LEPR: variants seen among roughly 807,000 people sequenced by gnomAD.
The protein encoded by LEPR is OB receptor.
LEPR carries 56 observed loss-of-function variants against 114.7 expected under a neutral mutation model. That is an observed-to-expected ratio of 0.49 (90% CI 0.39 to 0.61). The LOEUF (loss-of-function observed/expected upper bound fraction) is 0.61, where lower values mean the gene tolerates loss of function less well. Ranked by LOEUF, LEPR falls within the 20% of genes least tolerant of loss-of-function variation. LEPR has a pLI of 0.00. For synonymous variants in LEPR, 443 were observed against 461.4 expected (o/e 0.96, Z 0.51); for missense variants, 1,202 against 1,352.9 (o/e 0.89, Z 1.75).
At chr1:65,438,498 CA>C (rs2100267730) in intron 2 of LEPR, among the ~76,000 whole-genome samples, 1 of 141,022 alleles carries the variant, frequency 7.1e-6, no homozygotes, top group Non-Finnish European at 1.5e-5. Flanking sequence ...TGCAGTGAGC[CA>C]AGATTGCACC....
chr1:65,565,702 C>T, intron 3 of LEPR, 97 bp downstream of exon 3: 1 of 1,425,330 alleles, frequency 7.0e-7, no homozygotes, highest in Non-Finnish European at 9.8e-7. Context: ...ACAGAATTTC[C>T]TATTTCTAGT....
chr1:65,570,852 T>C (rs200514182), intron 4 of LEPR, 50 bp downstream of exon 4: 12 of 1,428,058 alleles, frequency 8.4e-6, no homozygotes, highest in Non-Finnish European at 1.1e-5. Flanking sequence ...TTTTAATTCT[T>C]TGATACCTGT....
chr1:65,435,152 G>A, intron 2 of LEPR: 1 of 985,316 alleles, frequency 1.0e-6, no homozygotes, highest in Non-Finnish European at 1.2e-6. Flanking sequence ...TTCCTCAGGA[G>A]GAGTTCTGAG....
At chr1:65,618,219 A>G in intron 16 of LEPR, 73 bp downstream of exon 16, 2 of 1,413,024 alleles carry the variant, frequency 1.4e-6, no homozygotes, top group Non-Finnish European at 1.9e-6. Flanking sequence ...TTCTATTAAT[A>G]TAGCCAGTTA....
intron 2 of LEPR, among the ~76,000 whole-genome samples, chr1:65,508,239 A>C (rs1162972947): frequency 6.6e-6 from 1 of 152,106 alleles, no homozygotes; most frequent in Admixed American, 6.5e-5. Flanking sequence ...TGGTTTTGGC[A>C]TTATAGCCAA....
At chr1:65,501,619 T>C (rs1181828812) in intron 2 of LEPR, among the ~76,000 whole-genome samples, 1 of 152,006 alleles carries the variant, frequency 6.6e-6, no homozygotes, top group Non-Finnish European at 1.5e-5. Context: ...AACACATCTT[T>C]TGGGGGGATA....
chr1:65,633,153 G>A lies in LEPR; in HGVS notation c.2674-3038G>A. ...TTTTGTTTTATTTTATCTAAACAGAGAACGGACATTCTTTGAAGTCTAATC... is the reference window on the plus strand; with the variant it reads ...TTTTGTTTTATTTTATCTAAACAGAAAACGGACATTCTTTGAAGTCTAATC... On this transcript the variant is annotated intron_variant, in intron 19 of 19. Coordinates refer to ENST00000349533, the MANE Select transcript of LEPR (RefSeq NM_002303.6). This position sits in a 1 kb window ranked among gnomAD's most constrained non-coding sequence, Gnocchi z 4.1. 1 of 1,588,016 alleles carries A rather than the reference G, an allele frequency of 6.3e-7. No individual in the cohort carries two copies.
At chr1:65,629,403 C>A in intron 19 of LEPR, 1 of 437,090 alleles carries the variant, frequency 2.3e-6, no homozygotes, top group Non-Finnish European at 4.5e-6. Context: ...AACTAATAAA[C>A]TGAATTTGCA....
At chr1:65,599,073 CAGAA>C (rs1433044110) in intron 8 of LEPR, among the ~76,000 whole-genome samples, 2 of 152,034 alleles carry the variant, frequency 1.3e-5, no homozygotes, top group Non-Finnish European at 2.9e-5. Flanking sequence ...TTAACAAACT[CAGAA>C]AGCCATTTGT....
chr1:65,436,115 G>A, intron 2 of LEPR: 2 of 971,858 alleles, frequency 2.1e-6, no homozygotes, highest in Middle Eastern at 5.3e-4. Context: ...GTTTTTGTCT[G>A]TATAATCTTA....
At chr1:65,620,253 T>C (rs1043205166) in intron 17 of LEPR, among the ~76,000 whole-genome samples, 3 of 152,216 alleles carry the variant, frequency 2.0e-5, no homozygotes, top group Non-Finnish European at 1.5e-5. Flanking sequence ...TTCATCTTAC[T>C]GTACTTGGAA....
At position 65,572,457 on chromosome 1, in the gene LEPR, C is replaced by T. The variant is rs1347409339; in HGVS notation, c.494+8C>T. 6.3e-7 allele frequency: 1 copy of T among 1,587,272 alleles called. No homozygotes were observed. Among genetic ancestry groups the T allele is most frequent in the Non-Finnish European group, 8.6e-7 (1 of 1,160,750 alleles). On this transcript the variant is annotated splice_region_variant and intron_variant, in intron 5 of 19. Transcript: ENST00000349533. ...CCATCTTTTATATGTTCTGTAAGTACCAAATAATTAATTTGGCATTTCTAA... is the reference window on the plus strand; with the variant it reads ...CCATCTTTTATATGTTCTGTAAGTATCAAATAATTAATTTGGCATTTCTAA...
chr1:65,496,158 T>C (rs1648143753), intron 2 of LEPR, among the ~76,000 whole-genome samples: 1 of 152,214 alleles, frequency 6.6e-6, no homozygotes. Flanking sequence ...ATATCAGATG[T>C]ATCTCATAAA....
chr1:65,506,259 T>C (rs1263054783), intron 2 of LEPR, among the ~76,000 whole-genome samples: 1 of 152,130 alleles, frequency 6.6e-6, no homozygotes, highest in East Asian at 1.9e-4. Flanking sequence ...GCATAACATA[T>C]TGTCCCACTC....
At chr1:65,469,728 C>G (rs777405578) in intron 2 of LEPR, among the ~76,000 whole-genome samples, 2 of 152,190 alleles carry the variant, frequency 1.3e-5, no homozygotes, top group Non-Finnish European at 2.9e-5. Flanking sequence ...TTTGATTATA[C>G]ATACACTTTC....
At chr1:65,564,110 AC>A (rs2100775231) in intron 2 of LEPR, among the ~76,000 whole-genome samples, 1 of 145,390 alleles carries the variant, frequency 6.9e-6, no homozygotes, top group Non-Finnish European at 1.5e-5. Context: ...TGCTTTGTTT[AC>A]CTGATCAAGC....
At position 65,488,202 on chromosome 1, in the gene LEPR, TTCTTTCTTTCTCTCTCTCTCTCTC is replaced by T. The variant is rs1199239407; in HGVS notation, c.-21+62836_-21+62859del. ...TTTCTTTCTTTCTTTCTTTCTTTCT[TTCTTTCTTTCTCTCTCTCTCTCTC>T]TCTTTCTTTCTTTCTTTCTTTCTTT... is the stretch of plus-strand genomic sequence containing the variant. On this transcript the variant is annotated intron_variant, in intron 2 of 19. Transcript: ENST00000349533. Among the ~76,000 whole-genome samples the T allele has an allele frequency of 1.7e-4, 5 of 29,418 alleles. 1 individual carries two copies. Among genetic ancestry groups the T allele is most frequent in the African/African-American group, 4.4e-4 (3 of 6,762 alleles). The allele number at this position is 29,418 out of a possible 152,430, so 19.3% of individuals were successfully genotyped here.
chr1:65,466,017 C>T (rs191467856), intron 2 of LEPR, among the ~76,000 whole-genome samples: 1 of 152,236 alleles, frequency 6.6e-6, no homozygotes, highest in Admixed American at 6.5e-5. Context: ...GGCATTTAGC[C>T]CATTTACATT....
intron 5 of LEPR, among the ~76,000 whole-genome samples, chr1:65,575,765 A>G (rs1355836948): frequency 6.6e-6 from 1 of 151,546 alleles, no homozygotes; most frequent in Non-Finnish European, 1.5e-5. Flanking sequence ...TTTGAATAGG[A>G]ACATCTGTTT....
Sources: gnomAD v4.1 joint callset for allele counts (sites outside exome capture counted in the v4.1 genomes callset) on GRCh38, gnomAD v4.1.1 for gene constraint, Gnocchi (gnomAD v3.1) non-coding constraint, MANE v1.5 for transcripts, NCBI Gene and HGNC (gene_info 2026-07-23, HGNC 2026-07-21) for gene names.